The following PREX2 variants were observed in gnomAD, a reference collection of about 807,000 sequenced individuals.
PREX2 encodes phosphatidylinositol-3,4,5-trisphosphate dependent Rac exchange factor 2.
A neutral mutation model predicts 203.2 loss-of-function variants in PREX2; 107 were observed. The observed-to-expected ratio is 0.53, with a 90% CI of 0.45 to 0.62. The LOEUF is 0.62. Ranked by LOEUF, PREX2 falls within the 20% of genes least tolerant of loss-of-function variation. PREX2 has a pLI of 0.00. For missense variants in PREX2, 1,777 were observed against 1,955.9 expected, an observed-to-expected ratio of 0.91 and a Z score of 1.72; for synonymous variants, 672 against 663.6, an observed-to-expected ratio of 1.01 and a Z score of -0.19.
chr8:68,067,143 G>A (rs4442128), intron 11 of PREX2, among the ~76,000 whole-genome samples: 79,675 of 151,898 alleles, frequency 0.52, 20,942 homozygotes, highest in South Asian at 0.56. Flanking sequence ...AGAGTCTGAA[G>A]TCAGTAATGT....
At position 68,185,805 on chromosome 8, in the gene PREX2, T is replaced by C. The variant is rs926379917; in HGVS notation, c.4347-5917T>C. ...AGTTATGACAGTGAGGCCTGCTGTA[T>C]GCCAGCATGAAAGGAAACATACTCT... On this transcript the variant is annotated intron_variant, in intron 35 of 39. Coordinates refer to ENST00000288368, the MANE Select transcript of PREX2 (RefSeq NM_024870.4). Among the ~76,000 whole-genome samples, 5 of 148,430 alleles carry C rather than the reference T, an allele frequency of 3.4e-5. 1 individual carries two copies. Among genetic ancestry groups the C allele is most frequent in the African/African-American group, 1.3e-4 (5 of 39,548 alleles).
Position 68,134,109 on chromosome 8 carries a change from G to A in PREX2, c.3817G>A (p.Ala1273Thr). 1 of 1,614,142 alleles carries A rather than the reference G, an allele frequency of 6.2e-7. No individual in the cohort carries two copies. The highest frequency in any genetic ancestry group is 2.2e-5 in the East Asian group (1 of 44,872). The change falls in exon 32 of 40, where the codon GCC (alanine) becomes ACC (threonine). Residue 1273 changes from alanine (A) to threonine (T), a missense_variant. Coordinates refer to ENST00000288368, the MANE Select transcript of PREX2 (RefSeq NM_024870.4). ...CATGGTTTTCTGCCAGACTCTTGTG[G>A]CCACTGTCTGTGCCTTCTCTGAGCA... ...RDMVFCQTLV[A>T]TVCAFSEQLM... is the part of the protein sequence containing the mutation.
chr8:68,198,098 C>T (rs1272022137), intron 37 of PREX2, among the ~76,000 whole-genome samples: 1 of 152,008 alleles, frequency 6.6e-6, no homozygotes, highest in East Asian at 1.9e-4. Context: ...TTCAAGTTCC[C>T]AAAAGAGTTG....
chr8:68,014,454 G>T (rs962582159), intron 1 of PREX2, among the ~76,000 whole-genome samples: 8 of 152,030 alleles, frequency 5.3e-5, no homozygotes, highest in South Asian at 4.2e-4. Context: ...GTGCGGGGGG[G>T]GCGGCATATG....
intron 1 of PREX2, among the ~76,000 whole-genome samples, chr8:68,009,685 T>A (rs141876811): frequency 2.0e-4 from 31 of 152,352 alleles, no homozygotes; most frequent in African/African-American, 6.5e-4. Context: ...CTGAACCTCA[T>A]TAAAAGTTTA....
intron 1 of PREX2, among the ~76,000 whole-genome samples, chr8:67,957,461 A>G (rs2129016825): frequency 6.6e-6 from 1 of 152,302 alleles, no homozygotes; most frequent in East Asian, 1.9e-4. Flanking sequence ...TTATGGCTTC[A>G]GGATTGTCAC....
chr8:68,127,022 A>C (rs1810907150), intron 30 of PREX2, among the ~76,000 whole-genome samples: 1 of 152,068 alleles, frequency 6.6e-6, no homozygotes, highest in Admixed American at 6.6e-5. Flanking sequence ...TAGCTTGCAG[A>C]ACACCAAGCA....
At chr8:67,985,760 T>C (rs143354815) in intron 1 of PREX2, among the ~76,000 whole-genome samples, 56 of 152,280 alleles carry the variant, frequency 3.7e-4, no homozygotes, top group African/African-American at 1.3e-3. Context: ...CAGAGGACAG[T>C]TTCAGGGTGA....
intron 33 of PREX2, among the ~76,000 whole-genome samples, chr8:68,144,639 T>C (rs1182598875): frequency 6.6e-6 from 1 of 152,108 alleles, no homozygotes; most frequent in Non-Finnish European, 1.5e-5. Flanking sequence ...TTGTCTTGTT[T>C]TATTGCAATA....
At chr8:67,967,233 A>G (rs912190712) in intron 1 of PREX2, among the ~76,000 whole-genome samples, 2 of 152,348 alleles carry the variant, frequency 1.3e-5, no homozygotes, top group Middle Eastern at 3.4e-3. Flanking sequence ...TTAAACCCAG[A>G]TGTACATTGC....
At chr8:68,155,617 A>G (rs1167495207) in intron 34 of PREX2, among the ~76,000 whole-genome samples, 1 of 152,134 alleles carries the variant, frequency 6.6e-6, no homozygotes, top group East Asian at 1.9e-4. Flanking sequence ...TTGAAAGAAG[A>G]TTGTTTTGAA....
chr8:67,968,496 G>A (rs908152400), intron 1 of PREX2, among the ~76,000 whole-genome samples: 1 of 152,148 alleles, frequency 6.6e-6, no homozygotes, highest in Non-Finnish European at 1.5e-5. Flanking sequence ...AATAGGAATG[G>A]GTGAATAATT....
In PREX2 at chr8:68,235,953, T is replaced by G. The variant is rs1341468611; in HGVS notation, c.*4575T>G. ...TCTCGCTGAGAAGAGATACCTGAAG[T>G]CTACTAAGTCTACTAAATGAGATAT... On this transcript the variant is annotated 3_prime_UTR_variant, in exon 40 of 40. Transcript: ENST00000288368. The G allele has an allele frequency of 6.6e-6, 1 of 152,220 alleles. No homozygotes were observed. The highest frequency in any genetic ancestry group is 1.5e-5 in the Non-Finnish European group (1 of 68,042). The allele number at this position is 152,220 out of a possible 1,614,324, so 9.4% of individuals were successfully genotyped here.
chr8:68,169,736 G>A (rs532355782), intron 35 of PREX2, among the ~76,000 whole-genome samples: 76 of 152,256 alleles, frequency 5.0e-4, no homozygotes, highest in African/African-American at 1.8e-3. Flanking sequence ...AGTCAATGGA[G>A]TGAACAGTAG....
At chr8:68,215,855 C>T (rs1290275462) in intron 37 of PREX2, among the ~76,000 whole-genome samples, 1 of 152,164 alleles carries the variant, frequency 6.6e-6, no homozygotes, top group East Asian at 1.9e-4. Flanking sequence ...ATTTTTTAAA[C>T]ATGAACTATT....
intron 37 of PREX2, among the ~76,000 whole-genome samples, chr8:68,209,341 T>C (rs1812702687): frequency 6.6e-6 from 1 of 152,186 alleles, no homozygotes; most frequent in Admixed American, 6.5e-5. Flanking sequence ...TGAAGAAAGA[T>C]AATGACCTGG....
At chr8:68,203,269 G>A (rs562809328) in intron 37 of PREX2, among the ~76,000 whole-genome samples, 3 of 152,276 alleles carry the variant, frequency 2.0e-5, no homozygotes, top group East Asian at 1.9e-4. Flanking sequence ...GAGGAGTATC[G>A]ATGATTCTGA....
chr8:68,165,858 A>T (rs1288297169), intron 35 of PREX2, among the ~76,000 whole-genome samples: 6 of 152,200 alleles, frequency 3.9e-5, no homozygotes, highest in Non-Finnish European at 1.5e-5. Context: ...TTACAAGAAG[A>T]TGTCCATAGT....
intron 1 of PREX2, among the ~76,000 whole-genome samples, chr8:67,953,748 A>T (rs142569709): frequency 6.6e-5 from 10 of 152,236 alleles, no homozygotes; most frequent in South Asian, 4.1e-4. Context: ...CAAAATCAAT[A>T]TACTTGACTT....
Sources: gnomAD v4.1 joint callset for allele counts (sites outside exome capture counted in the v4.1 genomes callset) on GRCh38, gnomAD v4.1.1 for gene constraint, MANE v1.5 for transcripts, NCBI Gene and HGNC (gene_info 2026-07-23, HGNC 2026-07-21) for gene names.